The following FARSB variants were observed in gnomAD, a reference collection of about 807,000 sequenced individuals.
FARSB encodes phenylalanine--tRNA ligase beta subunit.
In FARSB, 40 loss-of-function variants were observed where a neutral mutation model predicts 69.6. That is an observed-to-expected ratio of 0.57 (90% CI 0.45 to 0.75). FARSB has a LOEUF of 0.75. Ranked by LOEUF, FARSB falls within the 30% of genes least tolerant of loss-of-function variation. The probability of loss-of-function intolerance (pLI) is 0.00; values close to 1 mark genes in which losing one functional copy is unlikely to be tolerated. For missense variants in FARSB, 632 were observed against 722.9 expected (o/e 0.87, Z 1.44); for synonymous variants, 235 against 247.2 (o/e 0.95, Z 0.46).
chr2:222,601,439 A>T (rs2106198910), intron 15 of FARSB, among the ~76,000 whole-genome samples: 1 of 152,082 alleles, frequency 6.6e-6, no homozygotes, highest in East Asian at 1.9e-4. Flanking sequence ...AATAATAAAA[A>T]GATGAAAAAC....
intron 10 of FARSB, among the ~76,000 whole-genome samples, chr2:222,626,164 G>A (rs566413273): frequency 2.7e-5 from 4 of 145,800 alleles, no homozygotes; most frequent in South Asian, 2.1e-4. Context: ...CAGGAGAATC[G>A]CTTGAACCCA....
intron 16 of FARSB, among the ~76,000 whole-genome samples, chr2:222,572,736 A>T (rs745609622): frequency 2.6e-5 from 4 of 152,228 alleles, no homozygotes; most frequent in Non-Finnish European, 5.9e-5. Flanking sequence ...AGTTCTCTTT[A>T]TCTGGGTGCC....
At chr2:222,572,105 C>G (rs1689732620) in intron 16 of FARSB, 83 bp from the exon 17 acceptor site, 3 of 1,171,852 alleles carry the variant, frequency 2.6e-6, no homozygotes, top group Non-Finnish European at 3.6e-6. Context: ...GCCCACTAGT[C>G]TACTTTAAAA....
chr2:222,639,399 T>C (rs1193613214), intron 5 of FARSB, among the ~76,000 whole-genome samples, 181 bp downstream of exon 5: 1 of 152,140 alleles, frequency 6.6e-6, no homozygotes, highest in Non-Finnish European at 1.5e-5. Flanking sequence ...TCTCATATTC[T>C]GTCACATACT....
At chr2:222,580,702 T>G (rs1264885316) in intron 16 of FARSB, among the ~76,000 whole-genome samples, 3 of 151,248 alleles carry the variant, frequency 2.0e-5, no homozygotes, top group African/African-American at 7.3e-5. Context: ...ATTCCACTGG[T>G]AGGAAAAAAA....
intron 16 of FARSB, among the ~76,000 whole-genome samples, chr2:222,589,906 C>A (rs1318653974): frequency 1.3e-5 from 2 of 152,178 alleles, no homozygotes; most frequent in Non-Finnish European, 2.9e-5. Flanking sequence ...AACACTTTCA[C>A]CCTGTTAGTG....
Position 222,571,301 on chromosome 2 carries a change from T to C in FARSB, c.*570A>G, listed in dbSNP as rs1689711450. On this transcript the variant is annotated 3_prime_UTR_variant, in exon 17 of 17. Coordinates refer to ENST00000281828, the MANE Select transcript of FARSB (RefSeq NM_005687.5). Reference sequence around the variant, plus strand: ...ATGCACCCTCACATATTTTGAATCCTTGTATTACAGATTTTTCTTTCACTT... The same window carrying C: ...ATGCACCCTCACATATTTTGAATCCCTGTATTACAGATTTTTCTTTCACTT... 1 of 152,268 alleles carries C rather than the reference T, an allele frequency of 6.6e-6. No homozygotes were observed. Among genetic ancestry groups the C allele is most frequent in the Non-Finnish European group, 1.5e-5 (1 of 68,086 alleles). 9.4% of individuals were successfully genotyped at this position (152,268 alleles called of 1,614,324 possible).
chr2:222,603,318 G>A (rs1690612508), intron 15 of FARSB, among the ~76,000 whole-genome samples: 1 of 152,122 alleles, frequency 6.6e-6, no homozygotes. Context: ...AGCAATAGTT[G>A]ACATAAAATA....
intron 16 of FARSB, among the ~76,000 whole-genome samples, chr2:222,587,980 A>G (rs983275989): frequency 3.3e-5 from 5 of 152,222 alleles, no homozygotes; most frequent in Non-Finnish European, 7.3e-5. Context: ...TCAATATAAA[A>G]AGAGGAAATC....
chr2:222,598,941 TAA>T (rs34617984), intron 16 of FARSB, among the ~76,000 whole-genome samples: 47,650 of 145,516 alleles, frequency 0.33, 7,715 homozygotes, highest in Middle Eastern at 0.45. Flanking sequence ...CTCATTTATT[TAA>T]AAAAAAAAAA....
chr2:222,633,354 C>A (rs979347543), intron 6 of FARSB, 47 bp from the exon 7 acceptor site: 6 of 922,358 alleles, frequency 6.5e-6, no homozygotes, highest in Middle Eastern at 4.7e-4. Flanking sequence ...TTTTTAATTT[C>A]TATCACTATA....
At chr2:222,577,122 T>A (rs944273044) in intron 16 of FARSB, among the ~76,000 whole-genome samples, 5 of 152,052 alleles carry the variant, frequency 3.3e-5, no homozygotes, top group African/African-American at 1.2e-4. Flanking sequence ...AGGAAAAAAA[T>A]CATTATTGAG....
intron 15 of FARSB, among the ~76,000 whole-genome samples, chr2:222,610,493 AT>A (rs71053094): frequency 0.26 from 39,574 of 151,176 alleles, 5,485 homozygotes; most frequent in Middle Eastern, 0.43. Flanking sequence ...TATTCTAAAA[AT>A]AAAAAATAGA....
At chr2:222,643,936 G>A (rs1159234526) in intron 2 of FARSB, among the ~76,000 whole-genome samples, 1 of 152,146 alleles carries the variant, frequency 6.6e-6, no homozygotes, top group Admixed American at 6.5e-5. Flanking sequence ...GCAGGGAACT[G>A]TAAATATATT....
rs1574903251 is a variant in FARSB at position 222,570,609 on chromosome 2, C to T, written c.*1262G>A. On this transcript the variant is annotated 3_prime_UTR_variant, in exon 17 of 17. Transcript: ENST00000281828. ...CACAATCTGGGATCACTGCAACGTC[C>T]ACCTCCTGGTTCAAGAGATTTTCCT... 3 of 152,004 alleles carry T rather than the reference C, an allele frequency of 2.0e-5. No homozygotes were observed. The highest frequency in any genetic ancestry group is 4.4e-5 in the Non-Finnish European group (3 of 67,990). The allele number at this position is 152,004 out of a possible 1,614,324, so 9.4% of individuals were successfully genotyped here.
chr2:222,578,286 G>A (rs567431355), intron 16 of FARSB, among the ~76,000 whole-genome samples: 1 of 152,122 alleles, frequency 6.6e-6, no homozygotes, highest in African/African-American at 2.4e-5. Context: ...ATCTTTAAGG[G>A]GATTATTTCT....
At chr2:222,635,626 C>T (rs188677050) in intron 5 of FARSB, among the ~76,000 whole-genome samples, 1 of 152,206 alleles carries the variant, frequency 6.6e-6, no homozygotes, top group East Asian at 1.9e-4. Flanking sequence ...AACATTGGTC[C>T]CTTAATCCTA....
chr2:222,627,818 A>C (rs1691315862), intron 10 of FARSB, among the ~76,000 whole-genome samples: 1 of 152,262 alleles, frequency 6.6e-6, no homozygotes. Context: ...AAAGCTATTT[A>C]AATAGCAGAA....
chr2:222,576,390 G>A (rs1689838920), intron 16 of FARSB, among the ~76,000 whole-genome samples: 1 of 151,950 alleles, frequency 6.6e-6, no homozygotes, highest in Non-Finnish European at 1.5e-5. Context: ...ATAAAGGGGG[G>A]GGCAGGGAAC....
Sources: allele counts gnomAD v4.1 joint callset (sites outside exome capture counted in the v4.1 genomes callset), GRCh38; gene constraint gnomAD v4.1.1; transcripts MANE v1.5; gene names NCBI Gene and HGNC (gene_info 2026-07-23, HGNC 2026-07-21).